PTPRM: variants seen among roughly 807,000 people sequenced by gnomAD.
PTPRM encodes receptor-type tyrosine-protein phosphatase mu.
In PTPRM, 47 loss-of-function variants were observed where a neutral mutation model predicts 186.7. The ratio of observed to expected loss-of-function variants is 0.25; its 90% CI spans 0.20 to 0.32. The LOEUF (loss-of-function observed/expected upper bound fraction) is 0.32, where lower values mean the gene tolerates loss of function less well. Among genes scored for constraint, PTPRM ranks in the 10% least tolerant of loss-of-function variants. The pLI is 1.00. For missense variants in PTPRM, 1,494 were observed against 1,865.0 expected, an observed-to-expected ratio of 0.80 and a Z score of 3.66; for synonymous variants, 668 against 674.9, an observed-to-expected ratio of 0.99 and a Z score of 0.16.
rs115303146 is a variant in PTPRM, at chr18:8,129,212, A to G, written c.2167+14385A>G. 8.5e-3 allele frequency among the ~76,000 whole-genome samples: 1,211 copies of G among 142,112 alleles called. 14 individuals carry two copies. Among genetic ancestry groups the G allele is most frequent in the African/African-American group, 0.028 (1,147 of 40,366 alleles). 93.2% of individuals were successfully genotyped at this position (142,112 alleles called of 152,430 possible). On this transcript the variant is annotated intron_variant, in intron 13 of 32. Coordinates refer to ENST00000580170, the MANE Select transcript of PTPRM (RefSeq NM_001105244.2). ...TAGTGAAATTGTTCTTGCCTTTTTG[A>G]TAAGGAAATATATTATTTCAATTTT...
At chr18:7,896,076 A>G (rs2049339309) in intron 3 of PTPRM, among the ~76,000 whole-genome samples, 1 of 152,182 alleles carries the variant, frequency 6.6e-6, no homozygotes, top group South Asian at 2.1e-4. Context: ...TGATTAACAC[A>G]TATTTAATTC....
intron 19 of PTPRM, among the ~76,000 whole-genome samples, chr18:8,275,263 A>AC (rs1386185832): frequency 1.3e-5 from 2 of 151,628 alleles, no homozygotes; most frequent in African/African-American, 2.4e-5. Context: ...ACATAGTGAG[A>AC]CCCCGTCTCC....
At chr18:7,914,075 T>A (rs1442861613) in intron 4 of PTPRM, among the ~76,000 whole-genome samples, 1 of 152,156 alleles carries the variant, frequency 6.6e-6, no homozygotes, top group Admixed American at 6.5e-5. Flanking sequence ...TTAATGAAGA[T>A]TTATTAAATA....
chr18:8,284,621 A>G (rs2094936942), intron 19 of PTPRM, among the ~76,000 whole-genome samples: 2 of 152,156 alleles, frequency 1.3e-5, no homozygotes, highest in African/African-American at 4.8e-5. Flanking sequence ...ATAGTGGCAC[A>G]TGCCCATAGT....
At chr18:8,304,141 G>A (rs927471819) in intron 20 of PTPRM, among the ~76,000 whole-genome samples, 3 of 152,130 alleles carry the variant, frequency 2.0e-5, no homozygotes, top group Non-Finnish European at 2.9e-5. Context: ...TATTTCTGCC[G>A]CTGTGGGAAT....
chr18:8,324,435 T>C (rs1381482989), intron 22 of PTPRM, among the ~76,000 whole-genome samples: 1 of 152,208 alleles, frequency 6.6e-6, no homozygotes, highest in Non-Finnish European at 1.5e-5. Context: ...TAGAAAATGC[T>C]CTCTCTGAAT....
At chr18:8,078,629 C>T (rs777952407) in intron 9 of PTPRM, among the ~76,000 whole-genome samples, 3 of 152,108 alleles carry the variant, frequency 2.0e-5, no homozygotes, top group South Asian at 2.1e-4. Context: ...TGTATTAGGC[C>T]GCTCTTGTTT....
chr18:7,845,129 T>TTAAG (rs2046529298), intron 2 of PTPRM, among the ~76,000 whole-genome samples: 1 of 152,206 alleles, frequency 6.6e-6, no homozygotes, highest in Non-Finnish European at 1.5e-5. Context: ...TGAGATTTTA[T>TTAAG]TAAGGGCTTT....
intron 14 of PTPRM, among the ~76,000 whole-genome samples, chr18:8,219,076 G>T (rs1445344970): frequency 6.6e-6 from 1 of 152,210 alleles, no homozygotes; most frequent in Admixed American, 6.5e-5. Context: ...TCTAGCTTCA[G>T]TGTTTATGCA....
intron 1 of PTPRM, chr18:7,749,509 A>G (rs113436755): frequency 1.8e-3 from 279 of 152,198 alleles, no homozygotes; most frequent in African/African-American, 6.4e-3. Flanking sequence ...TTTAAGTGAG[A>G]TTATGGGTGT....
intron 4 of PTPRM, among the ~76,000 whole-genome samples, chr18:7,913,450 A>G (rs543623608): frequency 6.6e-6 from 1 of 152,202 alleles, no homozygotes; most frequent in African/African-American, 2.4e-5. Context: ...TTTTAGCATG[A>G]TGTTGGCTGT....
chr18:7,794,514 A>G (rs760091908), intron 2 of PTPRM, among the ~76,000 whole-genome samples: 3 of 152,158 alleles, frequency 2.0e-5, no homozygotes, highest in Non-Finnish European at 4.4e-5. Context: ...GGTGAGGACA[A>G]GAGGACCATA....
chr18:7,732,659 C>A (rs1239549008), intron 1 of PTPRM, among the ~76,000 whole-genome samples: 3 of 151,990 alleles, frequency 2.0e-5, no homozygotes, highest in Admixed American at 6.6e-5. Context: ...GGTATGCACC[C>A]CCATGCCTGG....
intron 1 of PTPRM, among the ~76,000 whole-genome samples, chr18:7,591,023 G>C (rs2037112188): frequency 6.6e-6 from 1 of 152,316 alleles, no homozygotes; most frequent in Admixed American, 6.5e-5. Context: ...GAACTGGCTG[G>C]CAAAGAGTGA....
At chr18:7,884,953 G>GAAAAAAAAAAAAAAAAAAAAA (rs2048708561) in intron 2 of PTPRM, among the ~76,000 whole-genome samples, 3 of 110,514 alleles carry the variant, frequency 2.7e-5, no homozygotes, top group Admixed American at 8.7e-5. Context: ...AAAAAAAAAG[G>GAAAAAAAAAAAAAAAAAAAAA]AGAGAGAGAA....
intron 1 of PTPRM, among the ~76,000 whole-genome samples, chr18:7,674,522 C>T (rs1221505755): frequency 6.6e-6 from 1 of 152,048 alleles, no homozygotes; most frequent in Non-Finnish European, 1.5e-5. Flanking sequence ...TTGCAGCACT[C>T]TTTCATGGAG....
chr18:7,632,465 A>G (rs940415554), intron 1 of PTPRM, among the ~76,000 whole-genome samples: 5 of 152,194 alleles, frequency 3.3e-5, no homozygotes, highest in Admixed American at 3.3e-4. Context: ...AGATTTGGGC[A>G]ATCCATAGGT....
chr18:8,272,658 A>T (rs971837310), intron 19 of PTPRM, among the ~76,000 whole-genome samples: 9 of 152,176 alleles, frequency 5.9e-5, no homozygotes, highest in Non-Finnish European at 5.9e-5. Context: ...TGATTGCATT[A>T]TATACAATCA....
At chr18:8,298,977 G>A (rs74929401) in intron 20 of PTPRM, among the ~76,000 whole-genome samples, 7 of 152,176 alleles carry the variant, frequency 4.6e-5, no homozygotes, top group African/African-American at 9.7e-5. Context: ...TTAGTTGGGC[G>A]TGATGGTGCG....
Sources: gnomAD v4.1 joint callset for allele counts (sites outside exome capture counted in the v4.1 genomes callset) on GRCh38, gnomAD v4.1.1 for gene constraint, MANE v1.5 for transcripts, NCBI Gene and HGNC (gene_info 2026-07-23, HGNC 2026-07-21) for gene names.